The following SCMH1 variants were observed in gnomAD, a reference collection of about 807,000 sequenced individuals.
The protein encoded by SCMH1 is Scm polycomb group protein homolog 1, also known as polycomb protein SCMH1.
Under a neutral mutation model 70.8 loss-of-function variants are expected in SCMH1, and 37 were observed. The observed-to-expected ratio is 0.52, with a 90% CI of 0.40 to 0.69. SCMH1 has a LOEUF of 0.69. Ranked by LOEUF, SCMH1 falls within the 30% of genes least tolerant of loss-of-function variation. The pLI is 0.00. For missense variants in SCMH1, 607 were observed against 827.3 expected, an observed-to-expected ratio of 0.73 and a Z score of 3.27; for synonymous variants, 292 against 307.4, an observed-to-expected ratio of 0.95 and a Z score of 0.52.
intron 10 of SCMH1, among the ~76,000 whole-genome samples, chr1:41,052,694 C>T (rs1408769799): frequency 6.6e-6 from 1 of 152,096 alleles, no homozygotes; most frequent in Non-Finnish European, 1.5e-5. Context: ...TTTTAAAACA[C>T]TGAGTGAAAT....
At chr1:41,141,303 G>A (rs1644049789) in intron 6 of SCMH1, among the ~76,000 whole-genome samples, 1 of 152,192 alleles carries the variant, frequency 6.6e-6, no homozygotes. Flanking sequence ...GTTTGTTTAT[G>A]TATTGTCAAC....
intron 6 of SCMH1, among the ~76,000 whole-genome samples, 178 bp from the exon 7 acceptor site, chr1:41,117,188 AT>A (rs545410792): frequency 5.1e-4 from 77 of 152,308 alleles, no homozygotes; most frequent in Non-Finnish European, 7.5e-4. Flanking sequence ...ATGATTATAT[AT>A]GAATATCATT....
chr1:41,063,906 T>C (rs1003852018), intron 10 of SCMH1, among the ~76,000 whole-genome samples: 4 of 152,246 alleles, frequency 2.6e-5, no homozygotes, highest in African/African-American at 9.6e-5. Context: ...GAAGAAATTA[T>C]ACCAATTCTT....
chr1:41,030,469 G>A (rs1644368172), intron 13 of SCMH1, among the ~76,000 whole-genome samples: 1 of 152,136 alleles, frequency 6.6e-6, no homozygotes, highest in African/African-American at 2.4e-5. Flanking sequence ...TCTTGAATAA[G>A]TCAAGCATTT....
chr1:41,171,133 C>T (rs1286210830), intron 2 of SCMH1, among the ~76,000 whole-genome samples: 1 of 152,180 alleles, frequency 6.6e-6, no homozygotes, highest in East Asian at 1.9e-4. Flanking sequence ...GCTGAGTGCC[C>T]AATCTGCCAG....
chr1:41,046,296 C>T, intron 12 of SCMH1, 111 bp downstream of exon 12: 1 of 843,126 alleles, frequency 1.2e-6, no homozygotes, highest in Non-Finnish European at 1.9e-6. Context: ...AAGCAGACCT[C>T]TAGATAGTAG....
chr1:41,114,685 T>TCTCTC (rs1316867347), intron 7 of SCMH1, among the ~76,000 whole-genome samples: 40 of 73,052 alleles, frequency 5.5e-4, no homozygotes, highest in African/African-American at 2.2e-3. Context: ...CTCTCTCTCT[T>TCTCTC]TCTTTTTTGG....
At position 41,220,631 on chromosome 1, in the gene SCMH1, T is replaced by TA. The variant is rs1432568168; in HGVS notation, c.-118+21427dup. 3.3e-5 allele frequency among the ~76,000 whole-genome samples: 5 copies of TA among 152,256 alleles called. No individual in the cohort carries two copies. The East Asian group carries it at 9.6e-4, about 29-fold the overall frequency. On this transcript the variant is annotated intron_variant, in intron 1 of 14. Coordinates refer to ENST00000337495, the Ensembl canonical transcript of SCMH1. ...TTTGTTTAGCTTTGTTAACACATGTTACGGTGACTTCTACATGCTAGGCCA... is the reference window on the plus strand; with the variant it reads ...TTTGTTTAGCTTTGTTAACACATGTTAACGGTGACTTCTACATGCTAGGCCA...
At chr1:41,241,660 C>A (rs1557904635) in intron 1 of SCMH1, among the ~76,000 whole-genome samples, 1 of 152,072 alleles carries the variant, frequency 6.6e-6, no homozygotes, top group African/African-American at 2.4e-5. Flanking sequence ...CCCCAGCCAG[C>A]CTGCCCCGGC....
chr1:41,114,042 A>T (rs1490167502), intron 7 of SCMH1, among the ~76,000 whole-genome samples: 1 of 152,076 alleles, frequency 6.6e-6, no homozygotes, highest in East Asian at 1.9e-4. Flanking sequence ...TATATATCGA[A>T]ATTTATTCAT....
intron 2 of SCMH1, among the ~76,000 whole-genome samples, chr1:41,182,445 G>C (rs541794753): frequency 6.6e-6 from 1 of 152,154 alleles, no homozygotes; most frequent in Non-Finnish European, 1.5e-5. Flanking sequence ...CAAAAAGTTC[G>C]GTGGCCCATG....
rs1263015613 is a variant in SCMH1 at position 41,113,594 on chromosome 1, C to T, written c.502-68G>A. The T allele has an allele frequency of 9.9e-6, 15 of 1,522,504 alleles. No homozygotes were observed. In the East Asian group the frequency reaches 1.4e-4, roughly 14 times the overall value. 94.3% of individuals were successfully genotyped at this position (1,522,504 alleles called of 1,614,324 possible). On this transcript the variant is annotated intron_variant, in intron 7 of 14. Coordinates refer to ENST00000337495, the Ensembl canonical transcript of SCMH1. The surrounding 1 kb of genome is among the most constrained non-coding windows in gnomAD (Gnocchi z 4.3). ...GGCCATTATGCCAATAGACTACTAT[C>T]TAATTTGGATGATTAAAAAGTGACT...
chr1:41,158,901 T>C (rs1253070033), intron 4 of SCMH1, among the ~76,000 whole-genome samples: 2 of 152,140 alleles, frequency 1.3e-5, no homozygotes, highest in South Asian at 2.1e-4. Flanking sequence ...CCCTGTTTCA[T>C]ATGGCCAGAA....
chr1:41,097,038 ATACTT>A (rs1665270645), intron 8 of SCMH1, among the ~76,000 whole-genome samples: 2 of 152,248 alleles, frequency 1.3e-5, no homozygotes, highest in South Asian at 4.1e-4. Flanking sequence ...AAGGGCAAAA[ATACTT>A]TACCTAAAAT....
intron 1 of SCMH1, among the ~76,000 whole-genome samples, chr1:41,187,480 C>CA (rs1407480552): frequency 6.7e-6 from 1 of 149,030 alleles, no homozygotes; most frequent in Non-Finnish European, 1.5e-5. Context: ...AAAAAAACCC[C>CA]AAAAAACAAA....
At chr1:41,195,870 C>T (rs777392971) in intron 1 of SCMH1, among the ~76,000 whole-genome samples, 9 of 152,064 alleles carry the variant, frequency 5.9e-5, no homozygotes, top group East Asian at 1.9e-4. Flanking sequence ...AGCAAAGTTG[C>T]GGGATACAAA....
At chr1:41,053,178 C>T (rs12144169) in intron 10 of SCMH1, among the ~76,000 whole-genome samples, 11,620 of 149,336 alleles carry the variant, frequency 0.078, 579 homozygotes, top group South Asian at 0.12. Context: ...CCACTGTGCC[C>T]GGCCAAATTG....
intron 1 of SCMH1, among the ~76,000 whole-genome samples, chr1:41,215,071 T>A (rs920560375): frequency 4.6e-5 from 7 of 152,178 alleles, no homozygotes; most frequent in Admixed American, 4.6e-4. Context: ...TAATATCCAG[T>A]GAGAGATTAC....
At chr1:41,088,265 G>A (rs1397525718) in intron 8 of SCMH1, among the ~76,000 whole-genome samples, 1 of 152,156 alleles carries the variant, frequency 6.6e-6, no homozygotes, top group Non-Finnish European at 1.5e-5. Flanking sequence ...GAAAGTGATT[G>A]CTTAAAGAGG....
Sources: gnomAD v4.1 joint callset for allele counts (sites outside exome capture counted in the v4.1 genomes callset) on GRCh38, gnomAD v4.1.1 for gene constraint, Gnocchi (gnomAD v3.1) non-coding constraint, MANE v1.5 for transcripts, NCBI Gene and HGNC (gene_info 2026-07-23, HGNC 2026-07-21) for gene names.